Variants in SNX25 observed in about 807,000 individuals in gnomAD.
The protein encoded by SNX25 is sorting nexin-25.
SNX25 carries 62 observed loss-of-function variants against 113.7 expected under a neutral mutation model. The ratio of observed to expected loss-of-function variants is 0.55; its 90% confidence interval spans 0.44 to 0.67. SNX25 has a LOEUF of 0.67. SNX25 is among the 30% of genes least tolerant of loss of function. The pLI is 0.00. For synonymous variants in SNX25, 421 were observed against 436.2 expected (o/e 0.97, Z 0.43); for missense variants, 1,014 against 1,161.0 (o/e 0.87, Z 1.84).
At chr4:185,220,129 A>G (rs1484432246) in intron 1 of SNX25, among the ~76,000 whole-genome samples, 1 of 152,060 alleles carries the variant, frequency 6.6e-6, no homozygotes, top group Non-Finnish European at 1.5e-5. Context: ...TTTATTCCTG[A>G]GGTTCAGATC....
chr4:185,254,823 G>A (rs1289345684), intron 2 of SNX25, among the ~76,000 whole-genome samples: 5 of 151,894 alleles, frequency 3.3e-5, no homozygotes, highest in Non-Finnish European at 7.4e-5. Flanking sequence ...ACCTGAATTT[G>A]TGGTGGGTGT....
downstream of SNX25, chr4:185,364,941 T>G (rs1226738555): frequency 6.6e-6 from 1 of 152,218 alleles, no homozygotes; most frequent in South Asian, 2.1e-4. Context: ...TGTCTCTATA[T>G]TTATTTATGA....
chr4:185,219,896 A>G (rs1248695985), intron 1 of SNX25, among the ~76,000 whole-genome samples: 1 of 149,978 alleles, frequency 6.7e-6, no homozygotes, highest in Non-Finnish European at 1.5e-5. Flanking sequence ...TTCCTGAAGC[A>G]GAGTTGTTAA....
chr4:185,214,393 CCAA>C (rs1738428694), intron 1 of SNX25, among the ~76,000 whole-genome samples: 1 of 58,588 alleles, frequency 1.7e-5, no homozygotes, highest in Non-Finnish European at 3.5e-5. Flanking sequence ...TCCATCTCTA[CCAA>C]AAAAAAAAAA....
At chr4:185,264,408 C>A in intron 3 of SNX25, 30 bp from the exon 4 acceptor site, 2 of 1,598,182 alleles carry the variant, frequency 1.3e-6, no homozygotes, top group South Asian at 2.2e-5. Context: ...CTAGAAACTT[C>A]TTTCCTTCTT....
At chr4:185,371,157 C>A (rs2095413395), downstream of SNX25, 2 of 199,360 alleles carry the variant, frequency 1.0e-5, no homozygotes, top group Non-Finnish European at 2.1e-5. Context: ...TTTTCTATTT[C>A]TTTGGATCAC....
rs544191368 is a variant in SNX25 at position 185,285,909 on chromosome 4, A to G, written c.1092-2103A>G. ...TGCCTCAGGCTCCCAAGTAGCTGGT[A>G]CTACAGGTGTGCGCCACCATGCCCA... On this transcript the variant is annotated intron_variant, in intron 5 of 18. Coordinates refer to ENST00000652585, the MANE Select transcript of SNX25 (RefSeq NM_001378034.2). Among the ~76,000 whole-genome samples, 12 of 151,358 alleles carry G rather than the reference A, an allele frequency of 7.9e-5. No individual in the cohort carries two copies. In the South Asian group the frequency reaches 2.3e-3, roughly 29 times the overall value.
chr4:185,213,520 G>A (rs145409907), intron 1 of SNX25, among the ~76,000 whole-genome samples: 5 of 152,310 alleles, frequency 3.3e-5, no homozygotes, highest in Non-Finnish European at 7.3e-5. Flanking sequence ...GAGCGGAACT[G>A]TGATGCTCTA....
chr4:185,361,820 C>G (rs1232000849), intron 16 of SNX25, 104 bp from the exon 17 acceptor site: 1 of 929,258 alleles, frequency 1.1e-6, no homozygotes, highest in Admixed American at 2.7e-5. Flanking sequence ...TCATCAAACA[C>G]TTAGATCAGG....
intron 6 of SNX25, among the ~76,000 whole-genome samples, chr4:185,289,158 C>G (rs572408649): frequency 3.9e-5 from 6 of 152,292 alleles, no homozygotes; most frequent in African/African-American, 1.4e-4. Context: ...GCAAATATGT[C>G]CATTCAGCAG....
chr4:185,297,309 T>A (rs1010898507), intron 6 of SNX25, among the ~76,000 whole-genome samples: 2 of 152,220 alleles, frequency 1.3e-5, no homozygotes, highest in Non-Finnish European at 2.9e-5. Context: ...ATTATGAATA[T>A]TTCCATCATT....
In SNX25 at chr4:185,312,456, G is replaced by C. The variant is rs555666825; in HGVS notation, c.1344+1640G>C. On this transcript the variant is annotated intron_variant, in intron 7 of 18. Transcript: ENST00000652585. ...GAGAATTAAATGTGATTTCAGTACA[G>C]GTTGTCTATCTGGCAGTGTCTACTA... Among the ~76,000 whole-genome samples, 269 of 151,994 alleles carry C rather than the reference G, an allele frequency of 1.8e-3. 1 individual carries two copies. Among genetic ancestry groups the C allele is most frequent in the Non-Finnish European group, 3.2e-3 (216 of 67,992 alleles).
intron 5 of SNX25, among the ~76,000 whole-genome samples, chr4:185,287,659 G>C (rs1247181617): frequency 2.0e-5 from 3 of 152,196 alleles, no homozygotes; most frequent in African/African-American, 4.8e-5. Context: ...TTATTAGACA[G>C]TGCCAATGTA....
At chr4:185,221,989 C>G (rs1739952055) in intron 1 of SNX25, among the ~76,000 whole-genome samples, 1 of 148,996 alleles carries the variant, frequency 6.7e-6, no homozygotes, top group Non-Finnish European at 1.5e-5. Context: ...GCCATATACC[C>G]CTCCTTCATG....
At chr4:185,325,278 A>T (rs1018088650) in intron 9 of SNX25, among the ~76,000 whole-genome samples, 4 of 152,208 alleles carry the variant, frequency 2.6e-5, no homozygotes, top group Non-Finnish European at 4.4e-5. Context: ...TCACGCCTGT[A>T]ATCCCAGCAC....
intron 10 of SNX25, among the ~76,000 whole-genome samples, chr4:185,335,211 T>C (rs967696049): frequency 6.6e-6 from 1 of 151,282 alleles, no homozygotes; most frequent in African/African-American, 2.4e-5. Context: ...TCCCAGCTAC[T>C]CGGGAGGCTG....
At chr4:185,336,416 C>T (rs754869010) in intron 10 of SNX25, among the ~76,000 whole-genome samples, 6 of 152,188 alleles carry the variant, frequency 3.9e-5, no homozygotes, top group Non-Finnish European at 8.8e-5. Flanking sequence ...TGAGAACATA[C>T]GATGTTTGGT....
intron 16 of SNX25, among the ~76,000 whole-genome samples, chr4:185,361,201 C>G (rs2095361777): frequency 6.6e-6 from 1 of 152,146 alleles, no homozygotes; most frequent in African/African-American, 2.4e-5. Flanking sequence ...TAAAAGACAG[C>G]TACGGAAAGC....
At chr4:185,339,101 G>T (rs1207732735) in intron 10 of SNX25, among the ~76,000 whole-genome samples, 1 of 152,138 alleles carries the variant, frequency 6.6e-6, no homozygotes, top group Non-Finnish European at 1.5e-5. Flanking sequence ...ATGAATATGG[G>T]ATGTCTTTCC....
Sources: allele counts gnomAD v4.1 joint callset (sites outside exome capture counted in the v4.1 genomes callset), GRCh38; gene constraint gnomAD v4.1.1; transcripts MANE v1.5; gene names NCBI Gene and HGNC (gene_info 2026-07-23, HGNC 2026-07-21).